Variants in PRKN observed in about 807,000 individuals in gnomAD.
PRKN encodes the protein E3 ubiquitin-protein ligase parkin.
PRKN carries 56 observed loss-of-function variants against 59.5 expected under a neutral mutation model. The ratio of observed to expected loss-of-function variants is 0.94; its 90% CI spans 0.76 to 1.18. PRKN has a LOEUF of 1.18. Ranked by LOEUF, PRKN falls within the 50% of genes most tolerant of loss-of-function variation. The pLI is 0.00. For synonymous variants in PRKN, 250 were observed against 222.1 expected, an observed-to-expected ratio of 1.13 and a Z score of -1.12; for missense variants, 657 against 596.4, an observed-to-expected ratio of 1.10 and a Z score of -1.06.
At chr6:162,280,683 C>T (rs962511130) in intron 2 of PRKN, among the ~76,000 whole-genome samples, 2 of 146,370 alleles carry the variant, frequency 1.4e-5, no homozygotes, top group Admixed American at 7.0e-5. Context: ...TCCAGCTACT[C>T]GGGAGGCTGA....
intron 2 of PRKN, among the ~76,000 whole-genome samples, chr6:162,416,984 A>G (rs1788660394): frequency 1.3e-5 from 2 of 152,170 alleles, no homozygotes; most frequent in Non-Finnish European, 2.9e-5. Flanking sequence ...GCTGTTTTAA[A>G]TCTATAGCTC....
At chr6:162,648,821 A>C (rs536608694) in intron 1 of PRKN, among the ~76,000 whole-genome samples, 7 of 152,348 alleles carry the variant, frequency 4.6e-5, no homozygotes, top group Non-Finnish European at 7.3e-5. Context: ...GTGCTCAGTT[A>C]GGTCAAACAC....
rs1042546681 is a variant in PRKN at position 161,562,608 on chromosome 6, T to C, written c.933+6747A>G. ...ACATCCAAGTCCCGACTTATCTCCT[T>C]CTCCATGCTTCAGGCATAGCAAATG... On this transcript the variant is annotated intron_variant, in intron 8 of 11. Transcript: ENST00000366898. This position sits in a 1 kb window ranked among gnomAD's most constrained non-coding sequence, Gnocchi z 4.3. 3.3e-5 allele frequency among the ~76,000 whole-genome samples: 5 copies of C among 152,152 alleles called. No homozygotes were observed. Among genetic ancestry groups the C allele is most frequent in the Non-Finnish European group, 7.3e-5 (5 of 68,032 alleles).
chr6:162,429,942 T>C (rs1181507218), intron 2 of PRKN, among the ~76,000 whole-genome samples: 2 of 152,304 alleles, frequency 1.3e-5, no homozygotes, highest in Middle Eastern at 3.4e-3. Flanking sequence ...ATTTGTTTAG[T>C]CACAGCAAAT....
chr6:161,790,872 G>A (rs563710502), intron 6 of PRKN, among the ~76,000 whole-genome samples: 4 of 152,266 alleles, frequency 2.6e-5, no homozygotes, highest in East Asian at 1.9e-4. Context: ...TGGAAGTAGT[G>A]AGAACTACTT....
intron 7 of PRKN, among the ~76,000 whole-genome samples, chr6:161,676,125 C>T (rs1418950731): frequency 6.6e-6 from 1 of 152,266 alleles, no homozygotes; most frequent in Non-Finnish European, 1.5e-5. Flanking sequence ...TCCAAGCCTG[C>T]AGCCCCTGGC....
intron 2 of PRKN, among the ~76,000 whole-genome samples, chr6:162,416,354 G>A (rs576029215): frequency 2.0e-5 from 3 of 152,216 alleles, no homozygotes; most frequent in Non-Finnish European, 2.9e-5. Context: ...CAAGAAGTCT[G>A]TCCTTTGCTA....
At chr6:161,599,787 C>T (rs982954753) in intron 7 of PRKN, among the ~76,000 whole-genome samples, 1 of 152,268 alleles carries the variant, frequency 6.6e-6, no homozygotes, top group South Asian at 2.1e-4. Flanking sequence ...CTCATTTGTT[C>T]TTAAAAGCCT....
intron 3 of PRKN, among the ~76,000 whole-genome samples, chr6:162,260,717 T>C (rs1779854195): frequency 6.6e-6 from 1 of 152,188 alleles, no homozygotes; most frequent in Non-Finnish European, 1.5e-5. Context: ...AGAACATGAA[T>C]ATGTACACAA....
intron 1 of PRKN, among the ~76,000 whole-genome samples, chr6:162,630,560 T>C (rs187245799): frequency 4.0e-4 from 61 of 152,284 alleles, no homozygotes; most frequent in African/African-American, 1.4e-3. Flanking sequence ...GAAGAACATG[T>C]AATGGGGATT....
intron 6 of PRKN, among the ~76,000 whole-genome samples, chr6:161,939,929 G>A (rs1037789295): frequency 3.3e-5 from 5 of 150,380 alleles, no homozygotes; most frequent in South Asian, 2.1e-4. Flanking sequence ...ACAGAGTTTC[G>A]CTCTTGTTGC....
rs546291877 is a variant in PRKN, at chr6:162,708,843, G to A, written c.7+18819C>T. ...CCCAAGCCGCAGGCCATAGGGGTCCGTGGCCTGTTAGGAACTGGGCCACAC... is the reference window on the plus strand; with the variant it reads ...CCCAAGCCGCAGGCCATAGGGGTCCATGGCCTGTTAGGAACTGGGCCACAC... On this transcript the variant is annotated intron_variant, in intron 1 of 11. Transcript: ENST00000366898. Among the ~76,000 whole-genome samples the A allele has an allele frequency of 5.9e-5, 9 of 152,232 alleles. No homozygotes were observed. The South Asian group carries it at 1.7e-3, about 28-fold the overall frequency.
At chr6:162,300,470 G>A (rs1583338268) in intron 2 of PRKN, among the ~76,000 whole-genome samples, 2 of 152,126 alleles carry the variant, frequency 1.3e-5, no homozygotes, top group East Asian at 3.9e-4. Context: ...CCTTAATGGA[G>A]ACTGAAGAAT....
chr6:161,826,335 T>A (rs959927414), intron 6 of PRKN, among the ~76,000 whole-genome samples: 2 of 152,216 alleles, frequency 1.3e-5, no homozygotes, highest in Admixed American at 1.3e-4. Flanking sequence ...AATGATAGCA[T>A]AAAAATGAGC....
intron 3 of PRKN, among the ~76,000 whole-genome samples, chr6:162,210,494 A>C (rs75216055): frequency 0.015 from 2,316 of 152,280 alleles, 55 homozygotes; most frequent in African/African-American, 0.052. Flanking sequence ...CTGTTTAATA[A>C]ATGTTGATTC....
intron 2 of PRKN, among the ~76,000 whole-genome samples, chr6:162,337,280 A>C (rs1349675163): frequency 6.6e-6 from 1 of 152,190 alleles, no homozygotes; most frequent in Admixed American, 6.5e-5. Context: ...ACAGTTAAGA[A>C]AAGTTATCTC....
chr6:162,002,215 G>A (rs1583464264), intron 5 of PRKN, among the ~76,000 whole-genome samples: 1 of 152,170 alleles, frequency 6.6e-6, no homozygotes, highest in South Asian at 2.1e-4. Context: ...CCTTCTGAAA[G>A]AGATTGTATA....
chr6:161,943,588 C>T (rs1480849666), intron 6 of PRKN, among the ~76,000 whole-genome samples: 2 of 152,224 alleles, frequency 1.3e-5, no homozygotes, highest in African/African-American at 4.8e-5. Flanking sequence ...ATATGATTTG[C>T]ATTTTCCCAG....
At position 161,592,262 on chromosome 6, in the gene PRKN, C is replaced by T. The variant is rs953335911; in HGVS notation, c.872-22846G>A. On this transcript the variant is annotated intron_variant, in intron 7 of 11. Coordinates refer to ENST00000366898, the MANE Select transcript of PRKN (RefSeq NM_004562.3). The surrounding 1 kb of genome is among the most constrained non-coding windows in gnomAD (Gnocchi z 4.8). ...CAGACACTAGGTTGAGGTAATGCTTCATGATTGTTGAATGTAGGATTTTGG... is the reference window on the plus strand; with the variant it reads ...CAGACACTAGGTTGAGGTAATGCTTTATGATTGTTGAATGTAGGATTTTGG... Among the ~76,000 whole-genome samples the T allele has an allele frequency of 6.6e-6, 1 of 152,090 alleles. No homozygotes were observed. The highest frequency in any genetic ancestry group is 2.4e-5 in the African/African-American group (1 of 41,422).
Sources: gnomAD v4.1 joint callset for allele counts (sites outside exome capture counted in the v4.1 genomes callset) on GRCh38, gnomAD v4.1.1 for gene constraint, Gnocchi (gnomAD v3.1) non-coding constraint, MANE v1.5 for transcripts, NCBI Gene and HGNC (gene_info 2026-07-23, HGNC 2026-07-21) for gene names.